The following TYW1B variants were observed in gnomAD, a reference collection of about 807,000 sequenced individuals.
TYW1B encodes S-adenosyl-L-methionine-dependent tRNA 4-demethylwyosine synthase TYW1B.
TYW1B carries 73 observed loss-of-function variants against 86.9 expected under a neutral mutation model. The ratio of observed to expected loss-of-function variants is 0.84; its 90% CI spans 0.70 to 1.02. TYW1B has a LOEUF of 1.02. TYW1B is among the 50% of genes least tolerant of loss of function. TYW1B has a pLI of 0.00. For missense variants in TYW1B, 637 were observed against 827.4 expected, an observed-to-expected ratio of 0.77 and a Z score of 2.82; for synonymous variants, 248 against 292.8, an observed-to-expected ratio of 0.85 and a Z score of 1.56.
intron 13 of TYW1B, among the ~76,000 whole-genome samples, chr7:72,600,195 G>A (rs570361584): frequency 6.6e-6 from 1 of 152,248 alleles, no homozygotes; most frequent in East Asian, 1.9e-4. Context: ...CAGTGGAATA[G>A]AAAGGCCAGA....
At chr7:72,600,409 A>G (rs1214179023) in intron 13 of TYW1B, among the ~76,000 whole-genome samples, 8 of 152,242 alleles carry the variant, frequency 5.3e-5, no homozygotes, top group African/African-American at 1.2e-4. Context: ...TCTAGAAAAT[A>G]GCACGGGAGG....
At chr7:72,609,201 A>G (rs1484912067) in intron 13 of TYW1B, among the ~76,000 whole-genome samples, 2 of 152,206 alleles carry the variant, frequency 1.3e-5, no homozygotes, top group Non-Finnish European at 2.9e-5. Flanking sequence ...ACAATAGGAA[A>G]GTAGTCCTTC....
chr7:72,783,259 G>T (rs528277941), intron 6 of TYW1B, among the ~76,000 whole-genome samples: 18 of 151,882 alleles, frequency 1.2e-4, no homozygotes, highest in African/African-American at 4.3e-4. Context: ...TTAGCCGGGC[G>T]TGGTGGCATG....
chr7:72,666,194 G>A (rs1248912689), intron 11 of TYW1B, among the ~76,000 whole-genome samples: 2 of 152,054 alleles, frequency 1.3e-5, no homozygotes, highest in Non-Finnish European at 2.9e-5. Flanking sequence ...TGGGCAGATT[G>A]CTTGAGCCCA....
rs1287939970 is a variant in TYW1B, at chr7:72,591,365, A to G, written c.1786-15646T>C. ...GTTCAAGGAACTCCAAGGATAATGA[A>G]CTAAAAAAGACACACACCAAGACAC... On this transcript the variant is annotated intron_variant, in intron 13 of 13. Coordinates refer to ENST00000620995, the MANE Select transcript of TYW1B (RefSeq NM_001145440.3). Among the ~76,000 whole-genome samples the G allele has an allele frequency of 1.3e-4, 20 of 152,266 alleles. 1 individual carries two copies. The highest frequency in any genetic ancestry group is 1.0e-3 in the South Asian group (5 of 4,820).
intron 11 of TYW1B, among the ~76,000 whole-genome samples, chr7:72,655,863 T>C (rs1813190093): frequency 6.6e-6 from 1 of 152,182 alleles, no homozygotes; most frequent in Admixed American, 6.5e-5. Flanking sequence ...CACCGCCCAC[T>C]GTCACCAACT....
At chr7:72,588,184 A>T (rs1811318541) in intron 13 of TYW1B, among the ~76,000 whole-genome samples, 1 of 152,256 alleles carries the variant, frequency 6.6e-6, no homozygotes, top group Admixed American at 6.5e-5. Context: ...TTTCACAGAC[A>T]AAACTATAAC....
At chr7:72,737,919 T>G (rs1342273797) in intron 8 of TYW1B, among the ~76,000 whole-genome samples, 4 of 134,346 alleles carry the variant, frequency 3.0e-5, no homozygotes, top group African/African-American at 1.1e-4. Context: ...GGACTACAGG[T>G]GCCCGCCACC....
At chr7:72,586,206 G>T (rs1336366031) in intron 13 of TYW1B, among the ~76,000 whole-genome samples, 1 of 152,138 alleles carries the variant, frequency 6.6e-6, no homozygotes, top group Non-Finnish European at 1.5e-5. Context: ...TATCGCAGAG[G>T]GGTTATAGAC....
rs188609833 is a variant in TYW1B at position 72,823,839 on chromosome 7, G to C, written c.135+3016C>G. On this transcript the variant is annotated intron_variant, in intron 2 of 13. Coordinates refer to ENST00000620995, the MANE Select transcript of TYW1B (RefSeq NM_001145440.3). ...TGATAAATCTAGAAACACAGCATAAGCATCAGAGGAACTAAAAATAGAAAT... is the reference window on the plus strand; with the variant it reads ...TGATAAATCTAGAAACACAGCATAACCATCAGAGGAACTAAAAATAGAAAT... Among the ~76,000 whole-genome samples, 143 of 152,090 alleles carry C rather than the reference G, an allele frequency of 9.4e-4. 1 individual carries two copies. The highest frequency in any genetic ancestry group is 3.3e-3 in the African/African-American group (138 of 41,494).
chr7:72,624,791 C>T (rs1812302685), intron 12 of TYW1B, among the ~76,000 whole-genome samples: 1 of 152,294 alleles, frequency 6.6e-6, no homozygotes, highest in Non-Finnish European at 1.5e-5. Flanking sequence ...GGCGTGGTGG[C>T]TCACGCCTGT....
chr7:72,612,687 G>A (rs2960979), intron 13 of TYW1B, among the ~76,000 whole-genome samples: 4 of 152,080 alleles, frequency 2.6e-5, no homozygotes, highest in Non-Finnish European at 4.4e-5. Flanking sequence ...ATCTGAGGAC[G>A]TACAACCTCA....
At chr7:72,603,316 G>C (rs1292169132) in intron 13 of TYW1B, among the ~76,000 whole-genome samples, 1 of 138,744 alleles carries the variant, frequency 7.2e-6, no homozygotes, top group Admixed American at 7.3e-5. Flanking sequence ...TGGATGGACA[G>C]ATAGATGATG....
chr7:72,822,127 C>T (rs1272623009), intron 2 of TYW1B, among the ~76,000 whole-genome samples: 2 of 135,630 alleles, frequency 1.5e-5, no homozygotes, highest in East Asian at 2.1e-4. Flanking sequence ...AATGCCACTG[C>T]ACTCCAGCCT....
chr7:72,686,005 T>C (rs1813998959), intron 11 of TYW1B, among the ~76,000 whole-genome samples: 1 of 152,176 alleles, frequency 6.6e-6, no homozygotes, highest in Non-Finnish European at 1.5e-5. Context: ...TCTTCAAAGA[T>C]ATATGAATGG....
intron 10 of TYW1B, among the ~76,000 whole-genome samples, chr7:72,695,892 G>A (rs1814304838): frequency 2.0e-5 from 3 of 151,376 alleles, no homozygotes; most frequent in African/African-American, 4.9e-5. Context: ...CACTGCACCC[G>A]ACCCTACTAG....
chr7:72,667,885 C>G (rs1268598213), intron 11 of TYW1B, among the ~76,000 whole-genome samples: 1 of 152,182 alleles, frequency 6.6e-6, no homozygotes, highest in Non-Finnish European at 1.5e-5. Context: ...TCCCTTGTGG[C>G]TAGCCAGATC....
intron 2 of TYW1B, among the ~76,000 whole-genome samples, chr7:72,825,566 G>C (rs1554481289): frequency 6.6e-6 from 1 of 152,152 alleles, no homozygotes; most frequent in African/African-American, 2.4e-5. Flanking sequence ...TATAATCCCA[G>C]CTACTCGGGA....
At chr7:72,737,982 G>T (rs368201634) in intron 8 of TYW1B, among the ~76,000 whole-genome samples, 137 of 151,768 alleles carry the variant, frequency 9.0e-4, no homozygotes, top group African/African-American at 3.2e-3. Context: ...CACCGTGTTA[G>T]CCAGGATGGT....
Sources: allele counts gnomAD v4.1 joint callset (sites outside exome capture counted in the v4.1 genomes callset), GRCh38; gene constraint gnomAD v4.1.1; transcripts MANE v1.5; gene names NCBI Gene and HGNC (gene_info 2026-07-23, HGNC 2026-07-21).